Variants in PRKAR1B observed in about 807,000 individuals in gnomAD.
The protein encoded by PRKAR1B is cAMP-dependent protein kinase type I-beta regulatory subunit.
A neutral mutation model predicts 46.5 loss-of-function variants in PRKAR1B; 22 were observed. That is an observed-to-expected ratio of 0.47 (90% CI 0.34 to 0.68). The LOEUF (loss-of-function observed/expected upper bound fraction) is 0.68, where lower values mean the gene tolerates loss of function less well. Among genes scored for constraint, PRKAR1B ranks in the 30% least tolerant of loss-of-function variants. The probability of loss-of-function intolerance (pLI) is 0.01; values close to 1 mark genes in which losing one functional copy is unlikely to be tolerated. For missense variants in PRKAR1B, 445 were observed against 535.6 expected (o/e 0.83, Z 1.67); for synonymous variants, 259 against 217.7 (o/e 1.19, Z -1.67).
At chr7:590,967 C>T (rs1450233805) in intron 7 of PRKAR1B, among the ~76,000 whole-genome samples, 7 of 152,118 alleles carry the variant, frequency 4.6e-5, no homozygotes, top group Non-Finnish European at 1.5e-5. Flanking sequence ...GGCGCAATGA[C>T]CCAGCCCAGG....
intron 1 of PRKAR1B, among the ~76,000 whole-genome samples, chr7:715,185 A>C (rs1780830494): frequency 6.6e-6 from 1 of 152,294 alleles, no homozygotes; most frequent in South Asian, 2.1e-4. Flanking sequence ...CTCGAAATAA[A>C]TAAATAATAA....
chr7:640,765 A>AACACACACACAC (rs71546454), intron 4 of PRKAR1B, among the ~76,000 whole-genome samples: 100 of 108,180 alleles, frequency 9.2e-4, no homozygotes, highest in African/African-American at 1.6e-3. Context: ...CTCTGTCTCA[A>AACACACACACAC]ACACACACAC....
rs10278345 is a variant in PRKAR1B, at chr7:690,148, T to C, written c.178-9422A>G. Among the ~76,000 whole-genome samples the C allele has an allele frequency of 6.7e-3, 1,012 of 151,778 alleles. 11 individuals are homozygous for C. Among genetic ancestry groups the C allele is most frequent in the African/African-American group, 0.023 (968 of 41,430 alleles). On this transcript the variant is annotated intron_variant, in intron 2 of 10. Coordinates refer to ENST00000537384, the MANE Select transcript of PRKAR1B (RefSeq NM_001164760.2). ...CCCGTCTCTACTAAAATACAAAAATTAGCCAGGCGTGGTGGTGTGCTCCTG... is the reference window on the plus strand; with the variant it reads ...CCCGTCTCTACTAAAATACAAAAATCAGCCAGGCGTGGTGGTGTGCTCCTG...
In PRKAR1B at chr7:669,867, A is replaced by ATTTTTTTTTTTTTTT. The variant is rs570284003; in HGVS notation, c.440+7347_440+7361dup. Among the ~76,000 whole-genome samples the ATTTTTTTTTTTTTTT allele has an allele frequency of 1.6e-3, 211 of 131,398 alleles. 5 individuals carry two copies. The highest frequency in any genetic ancestry group is 2.7e-3 in the Non-Finnish European group (167 of 61,418). The allele number at this position is 131,398 out of a possible 152,430, so 86.2% of individuals were successfully genotyped here. A position where few individuals can be genotyped will look rare whatever the true frequency, so the allele number is the denominator to read the frequency against. On this transcript the variant is annotated intron_variant, in intron 4 of 10. Coordinates refer to ENST00000537384, the MANE Select transcript of PRKAR1B (RefSeq NM_001164760.2). Reference sequence around the variant, plus strand: ...GCTGGTGGGCAGGTCCACGTGCCATATTTTTTTTTTTTTTTTGAGACGGAG... The same window carrying ATTTTTTTTTTTTTTT: ...GCTGGTGGGCAGGTCCACGTGCCATATTTTTTTTTTTTTTTTTTTTTTTTTTTTTTTGAGACGGAG...
chr7:603,621 T>G lies in PRKAR1B; in HGVS notation c.549+2572A>C, dbSNP rs568912913. On this transcript the variant is annotated intron_variant, in intron 6 of 10. Coordinates refer to ENST00000537384, the MANE Select transcript of PRKAR1B (RefSeq NM_001164760.2). Reference sequence around the variant, plus strand: ...ACTCCAGGACCCAGAGTGGAGGTGATGGGGGAGGAGGTGACACCAGGACCC... The same window carrying G: ...ACTCCAGGACCCAGAGTGGAGGTGAGGGGGGAGGAGGTGACACCAGGACCC... 6.8e-3 allele frequency among the ~76,000 whole-genome samples: 806 copies of G among 117,826 alleles called. 31 individuals are homozygous for G. Among genetic ancestry groups the G allele is most frequent in the African/African-American group, 0.016 (400 of 24,972 alleles). The allele number at this position is 117,826 out of a possible 152,430, so 77.3% of individuals were successfully genotyped here. A position where few individuals can be genotyped will look rare whatever the true frequency, so the allele number is the denominator to read the frequency against.
chr7:557,253 G>A lies in PRKAR1B; in HGVS notation c.892-5783C>T, dbSNP rs543708561. Among the ~76,000 whole-genome samples the A allele has an allele frequency of 2.2e-3, 331 of 152,292 alleles. 1 individual carries two copies. The highest frequency in any genetic ancestry group is 7.4e-3 in the African/African-American group (309 of 41,550). Reference sequence around the variant, plus strand: ...ACCTGGGTTCGAATCCCTTCCTCACGTCTCAGCCGCGTGACACCCGTGACC... The same window carrying A: ...ACCTGGGTTCGAATCCCTTCCTCACATCTCAGCCGCGTGACACCCGTGACC... On this transcript the variant is annotated intron_variant, in intron 9 of 10. Transcript: ENST00000537384.
At chr7:668,175 G>A (rs1035148084) in intron 4 of PRKAR1B, among the ~76,000 whole-genome samples, 2 of 152,202 alleles carry the variant, frequency 1.3e-5, no homozygotes, top group Non-Finnish European at 1.5e-5. Flanking sequence ...CTTCCTAAGC[G>A]GGGAAGCAGA....
rs776955207 is a variant in PRKAR1B at position 606,185 on chromosome 7, A to C, written c.549+8T>G. On this transcript the variant is annotated splice_region_variant and intron_variant, in intron 6 of 10. Coordinates refer to ENST00000537384, the MANE Select transcript of PRKAR1B (RefSeq NM_001164760.2). Reference sequence around the variant, plus strand: ...GCTATTTTCCAAAGACAAGTTAGCGACACTCACATCCACTTCCCCTTGATC... The same window carrying C: ...GCTATTTTCCAAAGACAAGTTAGCGCCACTCACATCCACTTCCCCTTGATC... 2 of 1,613,878 alleles carry C rather than the reference A, an allele frequency of 1.2e-6. No individual in the cohort carries two copies. Among genetic ancestry groups the C allele is most frequent in the African/African-American group, 1.3e-5 (1 of 75,052 alleles).
At chr7:682,316 C>A (rs1228194951) in intron 2 of PRKAR1B, among the ~76,000 whole-genome samples, 1 of 152,130 alleles carries the variant, frequency 6.6e-6, no homozygotes, top group Admixed American at 6.5e-5. Context: ...AGGCCAAGTG[C>A]GGTGGCTTCA....
At chr7:615,396 G>C (rs555083192) in intron 4 of PRKAR1B, among the ~76,000 whole-genome samples, 1 of 151,478 alleles carries the variant, frequency 6.6e-6, no homozygotes, top group African/African-American at 2.4e-5. Flanking sequence ...CTGCACGCCA[G>C]CCTGGGAGAC....
At chr7:698,274 TAAAATA>T (rs2128520799) in intron 2 of PRKAR1B, among the ~76,000 whole-genome samples, 1 of 152,000 alleles carries the variant, frequency 6.6e-6, no homozygotes, top group East Asian at 1.9e-4. Flanking sequence ...ATTAAATTAA[TAAAATA>T]AAAATAAAAA....
In PRKAR1B at chr7:602,342, G is replaced by A. The variant is rs570730813; in HGVS notation, c.549+3851C>T. 7.0e-4 allele frequency among the ~76,000 whole-genome samples: 107 copies of A among 152,244 alleles called. No individual in the cohort carries two copies. Among genetic ancestry groups the A allele is most frequent in the Middle Eastern group, 3.4e-3 (1 of 294 alleles). On this transcript the variant is annotated intron_variant, in intron 6 of 10. Coordinates refer to ENST00000537384, the MANE Select transcript of PRKAR1B (RefSeq NM_001164760.2). The surrounding 1 kb of genome is among the most constrained non-coding windows in gnomAD (Gnocchi z 6.4). Reference sequence around the variant, plus strand: ...GGAGGGAAGGGAGATGCCTCACTGAGTCCAGAGGTCGAGGGGTGGGTGGGG... The same window carrying A: ...GGAGGGAAGGGAGATGCCTCACTGAATCCAGAGGTCGAGGGGTGGGTGGGG...
rs149926526 is a variant in PRKAR1B, at chr7:579,237, C to A, written c.891+19G>T. ...CCCCAGTGCACACCCAGAGCGCCCA[C>A]GTGGGAAGCACGTCTCACCTCCGTG... On this transcript the variant is annotated intron_variant, in intron 9 of 10. Transcript: ENST00000537384. 6.2e-7 allele frequency: 1 copy of A among 1,613,966 alleles called. No homozygotes were observed. Among genetic ancestry groups the A allele is most frequent in the South Asian group, 1.1e-5 (1 of 91,080 alleles).
intron 4 of PRKAR1B, among the ~76,000 whole-genome samples, chr7:635,711 G>A (rs1343872995): frequency 6.6e-6 from 1 of 152,146 alleles, no homozygotes; most frequent in Non-Finnish European, 1.5e-5. Flanking sequence ...GGGGAGAGAA[G>A]GCACAGCGAG....
At chr7:695,680 T>TTTC (rs201337828) in intron 2 of PRKAR1B, among the ~76,000 whole-genome samples, 2 of 152,000 alleles carry the variant, frequency 1.3e-5, no homozygotes, top group African/African-American at 4.8e-5. Context: ...TGTTTTTTTT[T>TTTC]TGAGACGGAG....
intron 4 of PRKAR1B, among the ~76,000 whole-genome samples, chr7:673,076 A>AAAAAAAAAAAC (rs1409072522): frequency 6.9e-6 from 1 of 145,006 alleles, no homozygotes; most frequent in Non-Finnish European, 1.5e-5. Flanking sequence ...AAAAAAAAAA[A>AAAAAAAAAAAC]AACACACACA....
At chr7:696,619 T>G (rs1272749693) in intron 2 of PRKAR1B, 2 of 152,232 alleles carry the variant, frequency 1.3e-5, no homozygotes, top group Admixed American at 6.5e-5. Flanking sequence ...GTAGTTTACT[T>G]CATAGAGGAG....
chr7:682,514 G>A (rs1008176534), intron 2 of PRKAR1B, among the ~76,000 whole-genome samples: 2 of 152,164 alleles, frequency 1.3e-5, no homozygotes, highest in Non-Finnish European at 2.9e-5. Context: ...GGGAGGCCGA[G>A]ATGGGTGGAT....
intron 1 of PRKAR1B, chr7:716,985 C>G (rs1405999893): frequency 6.6e-6 from 1 of 152,152 alleles, no homozygotes; most frequent in Non-Finnish European, 1.5e-5. Context: ...GCCCAAGAAC[C>G]GTGAACAGTA....
Sources: gnomAD v4.1 joint callset for allele counts (sites outside exome capture counted in the v4.1 genomes callset) on GRCh38, gnomAD v4.1.1 for gene constraint, Gnocchi (gnomAD v3.1) non-coding constraint, MANE v1.5 for transcripts, NCBI Gene and HGNC (gene_info 2026-07-23, HGNC 2026-07-21) for gene names.